Variants in GALNTL5 observed in about 807,000 individuals in gnomAD.
GALNTL5 encodes the protein inactive polypeptide N-acetylgalactosaminyltransferase-like protein 5.
Under a neutral mutation model 51.0 loss-of-function variants are expected in GALNTL5, and 44 were observed. The observed-to-expected ratio is 0.86, with a 90% CI of 0.68 to 1.11. The LOEUF is 1.11. Ranked by LOEUF, GALNTL5 falls within the 50% of genes least tolerant of loss-of-function variation. GALNTL5 has a pLI of 0.00. For missense variants in GALNTL5, 528 were observed against 531.8 expected (o/e 0.99, Z 0.07); for synonymous variants, 192 against 182.8 (o/e 1.05, Z -0.41).
chr7:151,998,862 C>T (rs770026768), intron 5 of GALNTL5, among the ~76,000 whole-genome samples: 1 of 151,558 alleles, frequency 6.6e-6, no homozygotes, highest in Admixed American at 6.6e-5. Flanking sequence ...AAAATTCAAC[C>T]TCACCAGCGA....
At chr7:151,979,749 A>C (rs10952340) in intron 3 of GALNTL5, among the ~76,000 whole-genome samples, 39,879 of 151,896 alleles carry the variant, frequency 0.26, 5,378 homozygotes, top group East Asian at 0.38. Context: ...GAGCCACTGC[A>C]CCTGGCCAGG....
chr7:151,983,075 C>T lies in GALNTL5; in HGVS notation c.458C>T (p.Thr153Ile), dbSNP rs370484975. The change falls in exon 4 of 9, where the codon ACC becomes ATC. Residue 153 changes from threonine (T) to isoleucine (I), a missense_variant. By Grantham distance (89) the Thr-to-Ile change is moderately conservative. Coordinates refer to ENST00000392800, the MANE Select transcript of GALNTL5 (RefSeq NM_145292.4). ...YNEECNALFQ[T>I]MSSVTNLTPH... ...GAAGAATGTAATGCCTTGTTTCAGACCATGTCCAGTGTCACGAACCTCACG... is the reference window on the plus strand; with the variant it reads ...GAAGAATGTAATGCCTTGTTTCAGATCATGTCCAGTGTCACGAACCTCACG... 6.2e-7 allele frequency: 1 copy of T among 1,614,144 alleles called. No homozygotes were observed. The highest frequency in any genetic ancestry group is 8.5e-7 in the Non-Finnish European group (1 of 1,179,994).
At chr7:151,990,474 G>A (rs568800193) in intron 5 of GALNTL5, among the ~76,000 whole-genome samples, 1 of 148,078 alleles carries the variant, frequency 6.8e-6, no homozygotes, top group East Asian at 2.0e-4. Context: ...CCAGCTACTC[G>A]GGAGGCTGAG....
intron 8 of GALNTL5, among the ~76,000 whole-genome samples, chr7:152,019,257 TAC>T (rs1424033365): frequency 2.6e-5 from 4 of 152,214 alleles, no homozygotes; most frequent in Admixed American, 1.3e-4. Context: ...ATTCTCCCTT[TAC>T]TACATCATCC....
intron 1 of GALNTL5, chr7:151,960,498 C>A (rs6464187): frequency 0.23 from 34,784 of 152,064 alleles, 4,601 homozygotes; most frequent in African/African-American, 0.33. Context: ...GAAGACTATT[C>A]GACTAAGATT....
chr7:151,971,937 C>A (rs4726120), intron 3 of GALNTL5, among the ~76,000 whole-genome samples: 101,890 of 152,076 alleles, frequency 0.67, 34,608 homozygotes, highest in South Asian at 0.79. Flanking sequence ...GAGTCAATTA[C>A]ACCTCTTTTG....
At position 151,982,983 on chromosome 7, in the gene GALNTL5, C is replaced by T. The variant is rs1473842177; in HGVS notation, c.369-3C>T. The stretch of plus-strand genomic sequence containing the variant: ...GTTTTCTTCATATTGCTTCTGCCTG[C>T]AGGTGTCTTCAAAAACATTACCCAG... On this transcript the variant is annotated splice_polypyrimidine_tract_variant and splice_region_variant and intron_variant, in intron 3 of 8. Transcript: ENST00000392800. 6.2e-7 allele frequency: 1 copy of T among 1,614,128 alleles called. No individual in the cohort carries two copies.
chr7:151,966,486 C>T lies in GALNTL5; in HGVS notation c.-39-722C>T, dbSNP rs555430751. Among the ~76,000 whole-genome samples the T allele has an allele frequency of 1.4e-4, 21 of 152,212 alleles. 1 individual carries two copies. In the South Asian group the frequency reaches 4.2e-3, roughly 30 times the overall value. On this transcript the variant is annotated intron_variant, in intron 1 of 8. Coordinates refer to ENST00000392800, the MANE Select transcript of GALNTL5 (RefSeq NM_145292.4). Reference sequence around the variant, plus strand: ...ATTTCACCATATTGGCCAAGCTGGTCTCGAACTCCTGACCTCAGGTGATCC... The same window carrying T: ...ATTTCACCATATTGGCCAAGCTGGTTTCGAACTCCTGACCTCAGGTGATCC...
At chr7:152,009,715 T>C (rs2081704088) in intron 7 of GALNTL5, among the ~76,000 whole-genome samples, 1 of 152,120 alleles carries the variant, frequency 6.6e-6, no homozygotes, top group African/African-American at 2.4e-5. Context: ...AGCCCAACCA[T>C]AGGTCTACGC....
intron 4 of GALNTL5, among the ~76,000 whole-genome samples, chr7:151,983,952 C>T (rs569395839): frequency 6.6e-6 from 1 of 152,310 alleles, no homozygotes; most frequent in African/African-American, 2.4e-5. Context: ...TGGTGGCTCA[C>T]ACCTGCAATC....
intron 5 of GALNTL5, among the ~76,000 whole-genome samples, chr7:151,998,247 T>G (rs1236836415): frequency 1.3e-5 from 2 of 151,914 alleles, no homozygotes; most frequent in African/African-American, 4.8e-5. Flanking sequence ...AAGGGATAAT[T>G]TAAAAATATA....
In GALNTL5 at chr7:151,967,280, G is replaced by T; in HGVS notation, c.34G>T (p.Gly12Trp). The T allele has an allele frequency of 1.2e-6, 2 of 1,613,436 alleles. No homozygotes were observed. Among genetic ancestry groups the T allele is most frequent in the South Asian group, 1.1e-5 (1 of 91,034 alleles). ...TGCCATAATTCAAGGTTTATTCTAT[G>T]GGTCCTTGACATTTGGGATCTGGAC... ...RNAIIQGLFY[G>W]SLTFGIWTAL... The change falls in exon 2 of 9, where the codon GGG (glycine) becomes TGG (tryptophan). Residue 12 changes from glycine (G) to tryptophan (W), a missense_variant. Gly to Trp is a radical substitution (Grantham distance 184). Coordinates refer to ENST00000392800, the MANE Select transcript of GALNTL5 (RefSeq NM_145292.4).
chr7:151,968,917 A>G (rs1467128545), intron 2 of GALNTL5, among the ~76,000 whole-genome samples: 1 of 152,112 alleles, frequency 6.6e-6, no homozygotes, highest in African/African-American at 2.4e-5. Context: ...CCACTCATAT[A>G]CTGTCTTTTG....
chr7:151,988,506 T>G (rs1398113402), intron 5 of GALNTL5, among the ~76,000 whole-genome samples: 1 of 152,092 alleles, frequency 6.6e-6, no homozygotes, highest in Non-Finnish European at 1.5e-5. Flanking sequence ...AAAAACAAAA[T>G]TGGACTCTCT....
rs542135677 is a variant in GALNTL5 at position 152,001,203 on chromosome 7, G to A, written c.659-1511G>A. Among the ~76,000 whole-genome samples, 313 of 132,192 alleles carry A rather than the reference G, an allele frequency of 2.4e-3. 7 individuals carry two copies. Among genetic ancestry groups the A allele is most frequent in the Non-Finnish European group, 1.5e-3 (89 of 61,196 alleles). The allele number at this position is 132,192 out of a possible 152,430, so 86.7% of individuals were successfully genotyped here. A position where few individuals can be genotyped will look rare whatever the true frequency, so the allele number is the denominator to read the frequency against. On this transcript the variant is annotated intron_variant, in intron 5 of 8. Transcript: ENST00000392800. The stretch of plus-strand genomic sequence containing the variant: ...GCTGGGATTACAGGCATAAGCCACC[G>A]CACCAGCCATTTTTTTTTTTTCATT...
At chr7:151,997,214 G>A (rs562705183) in intron 5 of GALNTL5, among the ~76,000 whole-genome samples, 1 of 152,164 alleles carries the variant, frequency 6.6e-6, no homozygotes, top group Non-Finnish European at 1.5e-5. Flanking sequence ...CCTCTATCAG[G>A]CAGGCTTGAC....
At chr7:151,999,332 G>A (rs566902081) in intron 5 of GALNTL5, among the ~76,000 whole-genome samples, 1 of 152,264 alleles carries the variant, frequency 6.6e-6, no homozygotes, top group South Asian at 2.1e-4. Context: ...CTGTGACCAT[G>A]CACATATATA....
intron 6 of GALNTL5, among the ~76,000 whole-genome samples, chr7:152,003,197 T>A (rs1302745942): frequency 6.6e-6 from 1 of 152,240 alleles, no homozygotes; most frequent in African/African-American, 2.4e-5. Flanking sequence ...TTTGATTCTC[T>A]GGTACTGAAC....
chr7:151,968,605 G>A lies in GALNTL5; in HGVS notation c.247+1112G>A, dbSNP rs932428833. On this transcript the variant is annotated intron_variant, in intron 2 of 8. Transcript: ENST00000392800. Reference sequence around the variant, plus strand: ...ACCACTCGGATGGTGAGAGAAAGGAGAGAAACAGCAAACCAAGGGTGAGTG... The same window carrying A: ...ACCACTCGGATGGTGAGAGAAAGGAAAGAAACAGCAAACCAAGGGTGAGTG... 4.6e-5 allele frequency among the ~76,000 whole-genome samples: 7 copies of A among 152,230 alleles called. No individual in the cohort carries two copies. The East Asian group carries it at 1.2e-3, about 25-fold the overall frequency.
Sources: gnomAD v4.1 joint callset for allele counts (sites outside exome capture counted in the v4.1 genomes callset) on GRCh38, gnomAD v4.1.1 for gene constraint, MANE v1.5 for transcripts, NCBI Gene and HGNC (gene_info 2026-07-23, HGNC 2026-07-21) for gene names.